The following RAD51B variants were observed in gnomAD, a reference collection of about 807,000 sequenced individuals.
The protein encoded by RAD51B is RAD51 paralog B.
A neutral mutation model predicts 42.2 loss-of-function variants in RAD51B; 38 were observed. The ratio of observed to expected loss-of-function variants is 0.90; its 90% CI spans 0.70 to 1.18. The LOEUF is 1.18. Among genes scored for constraint, RAD51B ranks in the 50% most tolerant of loss-of-function variants. The probability of loss-of-function intolerance (pLI) is 0.00; values close to 1 mark genes in which losing one functional copy is unlikely to be tolerated. For missense variants in RAD51B, 373 were observed against 400.7 expected, an observed-to-expected ratio of 0.93 and a Z score of 0.59; for synonymous variants, 154 against 145.2, an observed-to-expected ratio of 1.06 and a Z score of -0.43.
chr14:68,312,064 A>T (rs1277608507), intron 8 of RAD51B, among the ~76,000 whole-genome samples: 1 of 152,196 alleles, frequency 6.6e-6, no homozygotes, highest in African/African-American at 2.4e-5. Flanking sequence ...CTTCATCCAC[A>T]AAGGCCCAAG....
At chr14:68,119,780 C>T (rs59184781) in intron 7 of RAD51B, among the ~76,000 whole-genome samples, 1,578 of 151,040 alleles carry the variant, frequency 0.01, 2 homozygotes, top group African/African-American at 0.036. Flanking sequence ...AATAAACATA[C>T]GTGTGCATGT....
At chr14:67,884,966 A>G (rs544689549) in intron 5 of RAD51B, among the ~76,000 whole-genome samples, 28 of 152,278 alleles carry the variant, frequency 1.8e-4, no homozygotes, top group African/African-American at 6.0e-4. Context: ...AGAAATGAAA[A>G]CACTGTTCTT....
At chr14:68,673,400 CAT>C (rs1168488194) in intron 11 of RAD51B, among the ~76,000 whole-genome samples, 2 of 118,706 alleles carry the variant, frequency 1.7e-5, no homozygotes, top group Non-Finnish European at 3.4e-5. Flanking sequence ...CATGCACACA[CAT>C]ACACACACAT....
Position 68,385,117 on chromosome 14 carries a change from C to G in RAD51B, c.854-26307C>G, listed in dbSNP as rs114287321. 4.5e-3 allele frequency among the ~76,000 whole-genome samples: 683 copies of G among 152,050 alleles called. 4 individuals are homozygous for G. The highest frequency in any genetic ancestry group is 0.016 in the African/African-American group (645 of 41,434). On this transcript the variant is annotated intron_variant, in intron 8 of 10. Transcript: ENST00000471583. ...GGACACCACATTGTGTTAATCCCCA[C>G]TTCCCTGGCTCTGAGCTTGGTCCAG...
intron 10 of RAD51B, among the ~76,000 whole-genome samples, chr14:68,534,827 A>T (rs1887521666): frequency 6.6e-6 from 1 of 152,202 alleles, no homozygotes; most frequent in South Asian, 2.1e-4. Context: ...GAACTAAAAC[A>T]GTGCCTGGAA....
intron 8 of RAD51B, among the ~76,000 whole-genome samples, chr14:68,347,863 G>A (rs1165797357): frequency 6.6e-6 from 1 of 152,146 alleles, no homozygotes; most frequent in Non-Finnish European, 1.5e-5. Flanking sequence ...TTTGAGAGAG[G>A]ACTTTAAAGT....
intron 8 of RAD51B, among the ~76,000 whole-genome samples, chr14:68,352,284 A>G (rs1022008266): frequency 6.6e-6 from 1 of 152,212 alleles, no homozygotes; most frequent in African/African-American, 2.4e-5. Flanking sequence ...TTCTGTAACT[A>G]TTACTTATCA....
At chr14:68,093,122 T>C (rs2077131327) in intron 7 of RAD51B, among the ~76,000 whole-genome samples, 1 of 150,336 alleles carries the variant, frequency 6.7e-6, no homozygotes, top group Non-Finnish European at 1.5e-5. Context: ...TTGAGGATTT[T>C]TGCATCAATG....
chr14:68,384,362 T>G (rs1035372219), intron 8 of RAD51B, among the ~76,000 whole-genome samples: 6 of 152,222 alleles, frequency 3.9e-5, no homozygotes, highest in African/African-American at 1.4e-4. Flanking sequence ...AAGGCAGGAT[T>G]TCCCACAATG....
intron 8 of RAD51B, among the ~76,000 whole-genome samples, chr14:68,404,899 G>A (rs544064129): frequency 7.2e-5 from 11 of 152,268 alleles, no homozygotes; most frequent in Admixed American, 2.6e-4. Context: ...CACTTCCATC[G>A]GTATCCTCCC....
chr14:67,954,277 G>A (rs991327388), intron 7 of RAD51B, among the ~76,000 whole-genome samples: 1 of 152,170 alleles, frequency 6.6e-6, no homozygotes, highest in Non-Finnish European at 1.5e-5. Flanking sequence ...GACCTTACCA[G>A]GTAGGTAAGA....
At chr14:68,276,183 C>T (rs1023233880) in intron 7 of RAD51B, among the ~76,000 whole-genome samples, 1 of 152,172 alleles carries the variant, frequency 6.6e-6, no homozygotes, top group Non-Finnish European at 1.5e-5. Flanking sequence ...CTGAAATACT[C>T]TGCAGATCCA....
At chr14:68,107,597 A>C (rs1243216952) in intron 7 of RAD51B, among the ~76,000 whole-genome samples, 1 of 151,886 alleles carries the variant, frequency 6.6e-6, no homozygotes, top group Non-Finnish European at 1.5e-5. Flanking sequence ...TAATCCAAAC[A>C]GTGTGGTCCT....
At chr14:67,855,232 A>G (rs1219573131) in intron 4 of RAD51B, among the ~76,000 whole-genome samples, 1 of 148,824 alleles carries the variant, frequency 6.7e-6, no homozygotes, top group South Asian at 2.1e-4. Flanking sequence ...AATTACTATT[A>G]TAGTTCTTTT....
At chr14:68,239,475 T>C (rs2080337424) in intron 7 of RAD51B, among the ~76,000 whole-genome samples, 1 of 151,494 alleles carries the variant, frequency 6.6e-6, no homozygotes, top group Admixed American at 6.6e-5. Flanking sequence ...AGCCTCAGCC[T>C]CTACTTCCCA....
intron 10 of RAD51B, among the ~76,000 whole-genome samples, chr14:68,617,292 C>T (rs573993357): frequency 8.5e-5 from 13 of 152,256 alleles, no homozygotes; most frequent in Admixed American, 7.2e-4. Flanking sequence ...ATGAACCTAA[C>T]GTTTCTTTTA....
At chr14:68,330,592 G>C (rs2082328570) in intron 8 of RAD51B, among the ~76,000 whole-genome samples, 1 of 152,170 alleles carries the variant, frequency 6.6e-6, no homozygotes, top group Non-Finnish European at 1.5e-5. Context: ...ACACTGGCTG[G>C]TTTGCCTTAG....
intron 10 of RAD51B, among the ~76,000 whole-genome samples, chr14:68,553,797 G>A (rs1191907879): frequency 6.6e-6 from 1 of 152,114 alleles, no homozygotes; most frequent in Non-Finnish European, 1.5e-5. Flanking sequence ...GGTCAGAGGG[G>A]CTGGTGAGAG....
chr14:68,482,147 T>C (rs2140264990), downstream of RAD51B, among the ~76,000 whole-genome samples: 4 of 140,296 alleles, frequency 2.9e-5, no homozygotes, highest in African/African-American at 1.0e-4. Flanking sequence ...CTGAAAGTAA[T>C]TAATGATGCA....
Sources: gnomAD v4.1 joint callset for allele counts (sites outside exome capture counted in the v4.1 genomes callset) on GRCh38, gnomAD v4.1.1 for gene constraint, MANE v1.5 for transcripts, NCBI Gene and HGNC (gene_info 2026-07-23, HGNC 2026-07-21) for gene names.